Variants in PCDH15 observed in about 807,000 individuals in gnomAD.
PCDH15 encodes protocadherin-15.
PCDH15 carries 129 observed loss-of-function variants against 178.5 expected under a neutral mutation model. The observed-to-expected ratio is 0.72, with a 90% confidence interval of 0.63 to 0.84. The LOEUF is 0.84. PCDH15 is among the 40% of genes least tolerant of loss of function. The pLI is 0.00. For missense variants in PCDH15, 2,230 were observed against 2,099.9 expected (o/e 1.06, Z -1.21); for synonymous variants, 800 against 732.0 (o/e 1.09, Z -1.50).
At chr10:55,281,467 A>T (rs1460674226) in intron 1 of PCDH15, among the ~76,000 whole-genome samples, 1 of 151,760 alleles carries the variant, frequency 6.6e-6, no homozygotes, top group African/African-American at 2.4e-5. Context: ...ACCATCTCCG[A>T]CATGAGAATC....
chr10:54,339,778 G>A (rs975992537), intron 6 of PCDH15, among the ~76,000 whole-genome samples: 2 of 152,046 alleles, frequency 1.3e-5, no homozygotes, highest in Non-Finnish European at 1.5e-5. Flanking sequence ...AACTCATCAG[G>A]TTTCTCATCC....
intron 2 of PCDH15, among the ~76,000 whole-genome samples, chr10:54,541,716 T>C (rs149988515): frequency 6.6e-6 from 1 of 152,332 alleles, no homozygotes; most frequent in East Asian, 1.9e-4. Flanking sequence ...TCAAACACTT[T>C]ATGAAAAGCA....
At chr10:54,713,226 T>TACACAC (rs137922396) in intron 1 of PCDH15, among the ~76,000 whole-genome samples, 1 of 151,396 alleles carries the variant, frequency 6.6e-6, no homozygotes, top group African/African-American at 2.4e-5. Flanking sequence ...CACACACACA[T>TACACAC]ACACACACAC....
chr10:54,786,474 T>A (rs1031054470), intron 1 of PCDH15, among the ~76,000 whole-genome samples: 3 of 152,000 alleles, frequency 2.0e-5, no homozygotes, highest in Admixed American at 6.6e-5. Flanking sequence ...TTTTCAAGTA[T>A]CCATGATAAT....
Position 54,716,913 on chromosome 10 carries a change from T to G in PCDH15, c.-28-52623A>C, listed in dbSNP as rs2095487216. On this transcript the variant is annotated intron_variant, in intron 1 of 37. Transcript: ENST00000644397. ...CATGGTACTGGTACCAAAACAGAGATATAAATCAATGGAACAGAACAGAGC... is the reference window on the plus strand; with the variant it reads ...CATGGTACTGGTACCAAAACAGAGAGATAAATCAATGGAACAGAACAGAGC... 1.4e-5 allele frequency among the ~76,000 whole-genome samples: 2 copies of G among 146,830 alleles called. 1 individual carries two copies. Among genetic ancestry groups the G allele is most frequent in the South Asian group, 4.3e-4 (2 of 4,660 alleles).
chr10:55,126,418 T>C (rs1393850632), intron 2 of PCDH15, among the ~76,000 whole-genome samples: 1 of 152,124 alleles, frequency 6.6e-6, no homozygotes, highest in Non-Finnish European at 1.5e-5. Flanking sequence ...ACAATCCATC[T>C]CTGATTTCTG....
At chr10:54,504,369 T>C (rs772604356) in intron 3 of PCDH15, among the ~76,000 whole-genome samples, 2 of 152,132 alleles carry the variant, frequency 1.3e-5, no homozygotes, top group Non-Finnish European at 2.9e-5. Context: ...GTTCAGGTAT[T>C]GTTCAGGTAC....
intron 3 of PCDH15, among the ~76,000 whole-genome samples, chr10:54,861,533 C>CT (rs1953843057): frequency 6.6e-6 from 1 of 152,034 alleles, no homozygotes. Context: ...TATCAGGCAT[C>CT]AAAGGAACAT....
chr10:55,312,119 G>A (rs925613669), intron 1 of PCDH15, among the ~76,000 whole-genome samples: 2 of 152,026 alleles, frequency 1.3e-5, no homozygotes, highest in African/African-American at 2.4e-5. Context: ...CATGTTGCTC[G>A]AGGGCAAACT....
intron 2 of PCDH15, among the ~76,000 whole-genome samples, chr10:54,640,541 TG>T (rs555131808): frequency 2.5e-4 from 38 of 152,278 alleles, no homozygotes; most frequent in Middle Eastern, 6.8e-3. Context: ...TACTAAGTGA[TG>T]TCACCCTGCG....
At chr10:54,406,131 T>C (rs759630016) in intron 3 of PCDH15, among the ~76,000 whole-genome samples, 1 of 152,144 alleles carries the variant, frequency 6.6e-6, no homozygotes, top group Non-Finnish European at 1.5e-5. Flanking sequence ...TGTGGGCTTA[T>C]AGTATTAACA....
chr10:53,910,634 C>A (rs1391652563), intron 25 of PCDH15, among the ~76,000 whole-genome samples: 1 of 152,088 alleles, frequency 6.6e-6, no homozygotes, highest in African/African-American at 2.4e-5. Flanking sequence ...TCCTCACAAG[C>A]AATGAAACAA....
rs549754882 is a variant in PCDH15 at position 54,837,536 on chromosome 10, A to T, written c.-29+59914T>A. ...AATTGTTGTAAACTGTTACTTTTTT[A>T]AAAAAATAAAGTGATTTATAAAATT... On this transcript the variant is annotated intron_variant, in intron 3 of 5. Transcript: ENST00000458638. Among the ~76,000 whole-genome samples the T allele has an allele frequency of 9.5e-4, 143 of 151,170 alleles. No homozygotes were observed. The Middle Eastern group carries it at 0.01, about 11-fold the overall frequency.
chr10:54,352,624 T>C (rs1252793855), intron 5 of PCDH15, among the ~76,000 whole-genome samples: 8 of 152,174 alleles, frequency 5.3e-5, no homozygotes, highest in Non-Finnish European at 1.0e-4. Context: ...CTATTTCTAC[T>C]AATAGACATT....
At chr10:54,505,029 G>A (rs949312620) in intron 3 of PCDH15, among the ~76,000 whole-genome samples, 2 of 152,026 alleles carry the variant, frequency 1.3e-5, no homozygotes, top group African/African-American at 4.8e-5. Flanking sequence ...CAGAAATGAA[G>A]ATTCCTTTGC....
intron 3 of PCDH15, among the ~76,000 whole-genome samples, chr10:54,412,505 T>A (rs1414307977): frequency 1.3e-5 from 2 of 152,138 alleles, no homozygotes; most frequent in African/African-American, 4.8e-5. Context: ...GTTCTCTCAA[T>A]TCCTCAGAGG....
rs558295319 is a variant in PCDH15, at chr10:54,598,189, T to G, written c.91+65983A>C. Among the ~76,000 whole-genome samples, 227 of 152,134 alleles carry G rather than the reference T, an allele frequency of 1.5e-3. 1 individual carries two copies. Among genetic ancestry groups the G allele is most frequent in the African/African-American group, 5.4e-3 (223 of 41,526 alleles). Reference sequence around the variant, plus strand: ...CAGAGACACAACAAAAAAGAGAACTTTAGGCCAATATACTTGATGAACTTT... The same window carrying G: ...CAGAGACACAACAAAAAAGAGAACTGTAGGCCAATATACTTGATGAACTTT... On this transcript the variant is annotated intron_variant, in intron 2 of 37. Transcript: ENST00000644397.
intron 1 of PCDH15, among the ~76,000 whole-genome samples, chr10:54,791,005 C>G (rs1360356596): frequency 6.6e-6 from 1 of 151,690 alleles, no homozygotes; most frequent in African/African-American, 2.4e-5. Flanking sequence ...ATAACAATAA[C>G]AACAAAAATA....
At chr10:53,850,683 T>C (rs1463661442) in intron 28 of PCDH15, among the ~76,000 whole-genome samples, 2 of 152,164 alleles carry the variant, frequency 1.3e-5, no homozygotes, top group Non-Finnish European at 2.9e-5. Context: ...GCTATTACAT[T>C]CCTATTACAG....
Sources: gnomAD v4.1 joint callset for allele counts (sites outside exome capture counted in the v4.1 genomes callset) on GRCh38, gnomAD v4.1.1 for gene constraint, MANE v1.5 for transcripts, NCBI Gene and HGNC (gene_info 2026-07-23, HGNC 2026-07-21) for gene names.